The following CACNA1B variants were observed in gnomAD, a reference collection of about 807,000 sequenced individuals.
CACNA1B encodes the protein voltage-dependent N-type calcium channel subunit alpha-1B.
A neutral mutation model predicts 247.2 loss-of-function variants in CACNA1B; 70 were observed. That is an observed-to-expected ratio of 0.28 (90% CI 0.23 to 0.35). The LOEUF (loss-of-function observed/expected upper bound fraction) is 0.35, where lower values mean the gene tolerates loss of function less well. CACNA1B is among the 10% of genes least tolerant of loss of function. CACNA1B has a pLI of 1.00. For synonymous variants in CACNA1B, 1,231 were observed against 1,294.4 expected, an observed-to-expected ratio of 0.95 and a Z score of 1.05; for missense variants, 2,367 against 3,197.4, an observed-to-expected ratio of 0.74 and a Z score of 6.26.
chr9:138,029,032 G>A (rs1229833738), intron 20 of CACNA1B, among the ~76,000 whole-genome samples: 1 of 152,198 alleles, frequency 6.6e-6, no homozygotes, highest in Non-Finnish European at 1.5e-5. Flanking sequence ...AATCCTGCCT[G>A]AGAGTTGTTC....
intron 5 of CACNA1B, among the ~76,000 whole-genome samples, chr9:137,916,067 C>G (rs372553149): frequency 1.6e-4 from 23 of 141,798 alleles, no homozygotes; most frequent in African/African-American, 5.8e-4. Context: ...GAGTCTCACT[C>G]TGTTGCCCAG....
At position 137,919,633 on chromosome 9, in the gene CACNA1B, C is replaced by T. The variant is rs966097074; in HGVS notation, c.966+2202C>T. On this transcript the variant is annotated intron_variant, in intron 6 of 46. Transcript: ENST00000371372. The surrounding 1 kb of genome is among the most constrained non-coding windows in gnomAD (Gnocchi z 4.6). ...AACCCAGTGAGAGGGACTTTTGTGG[C>T]CCCTCGGATATACGCTCCTTCAAGC... 6.6e-6 allele frequency among the ~76,000 whole-genome samples: 1 copy of T among 152,220 alleles called. No individual in the cohort carries two copies. The highest frequency in any genetic ancestry group is 3.2e-3 in the Middle Eastern group (1 of 316).
intron 36 of CACNA1B, among the ~76,000 whole-genome samples, chr9:138,094,358 A>G (rs1276877507): frequency 2.0e-5 from 3 of 151,342 alleles, no homozygotes; most frequent in South Asian, 2.1e-4. Flanking sequence ...GTTGCACAAC[A>G]GTGTGAATAT....
Position 138,120,746 on chromosome 9 carries a change from A to ATCC in CACNA1B, c.6363_6365dup (p.Ser2122dup). 3 of 1,547,496 alleles carry ATCC rather than the reference A, an allele frequency of 1.9e-6. No homozygotes were observed. Among genetic ancestry groups the ATCC allele is most frequent in the Non-Finnish European group, 2.6e-6 (3 of 1,146,752 alleles). On this transcript the variant is annotated inframe_insertion, in exon 46 of 47. Transcript: ENST00000371372. Reference sequence around the variant, plus strand: ...GGTCCCAGGAGCGGAGGCAGCCCTCATCCTCCTCCTCGGAGAAGCAGCGCT... The same window carrying ATCC: ...GGTCCCAGGAGCGGAGGCAGCCCTCATCCTCCTCCTCCTCGGAGAAGCAGCGCT...
intron 6 of CACNA1B, among the ~76,000 whole-genome samples, chr9:137,928,833 T>C (rs1171120426): frequency 6.6e-6 from 1 of 152,232 alleles, no homozygotes; most frequent in African/African-American, 2.4e-5. Flanking sequence ...TTTCTGTCTC[T>C]GTAGATTTGT....
chr9:137,916,725 G>C (rs7875160), intron 5 of CACNA1B, among the ~76,000 whole-genome samples: 55,197 of 151,802 alleles, frequency 0.36, 13,079 homozygotes, highest in African/African-American at 0.66. Context: ...TACAGTCAGC[G>C]TGGCAGTTTG....
chr9:137,978,910 C>G (rs1219588658), intron 12 of CACNA1B, among the ~76,000 whole-genome samples: 1 of 152,136 alleles, frequency 6.6e-6, no homozygotes, highest in African/African-American at 2.4e-5. Context: ...CCAGGGTGCT[C>G]TCTGAGACAT....
chr9:138,062,202 T>C lies in CACNA1B; in HGVS notation c.4668+2465T>C, dbSNP rs563049520. 6.6e-5 allele frequency among the ~76,000 whole-genome samples: 10 copies of C among 152,086 alleles called. No homozygotes were observed. The East Asian group carries it at 1.6e-3, about 24-fold the overall frequency. ...TATCCTCAGCACAGGCAACTTGTTT[T>C]CCCCCCCACACAGAGCTGACCAGAT... On this transcript the variant is annotated intron_variant, in intron 31 of 46. Coordinates refer to ENST00000371372, the MANE Select transcript of CACNA1B (RefSeq NM_000718.4).
intron 6 of CACNA1B, among the ~76,000 whole-genome samples, chr9:137,945,030 A>T (rs1957779273): frequency 6.6e-6 from 1 of 152,194 alleles, no homozygotes; most frequent in Admixed American, 6.5e-5. Context: ...GTATAGGGCC[A>T]TGAAGACCTG....
chr9:137,920,339 G>A (rs191112526), intron 6 of CACNA1B, among the ~76,000 whole-genome samples: 52 of 152,304 alleles, frequency 3.4e-4, no homozygotes, highest in African/African-American at 1.2e-3. Context: ...TGGGATTACA[G>A]GCACGAGCCA....
chr9:138,042,753 C>T (rs1398425855), intron 20 of CACNA1B, among the ~76,000 whole-genome samples: 2 of 152,184 alleles, frequency 1.3e-5, no homozygotes, highest in East Asian at 3.9e-4. Flanking sequence ...GTGGCCTTCG[C>T]TGTTTTCATG....
rs116353990 is a variant in CACNA1B, at chr9:137,990,959, G to A, written c.1974+4105G>A. Among the ~76,000 whole-genome samples, 1 of 152,274 alleles carries A rather than the reference G, an allele frequency of 6.6e-6. No homozygotes were observed. Among genetic ancestry groups the A allele is most frequent in the Non-Finnish European group, 1.5e-5 (1 of 68,012 alleles). On this transcript the variant is annotated intron_variant, in intron 15 of 46. Transcript: ENST00000371372. The surrounding 1 kb of genome is among the most constrained non-coding windows in gnomAD (Gnocchi z 4.5). ...ATAAGAGAACAGCAGCCCTTGAGTC[G>A]CAGATCTTCCCTCTGGTTCCAAATG...
chr9:138,089,011 C>T (rs1960795533), intron 36 of CACNA1B, among the ~76,000 whole-genome samples: 1 of 127,512 alleles, frequency 7.8e-6, no homozygotes, highest in Non-Finnish European at 1.7e-5. Context: ...CAAAGAAAAG[C>T]CCAGGGTGCT....
intron 3 of CACNA1B, among the ~76,000 whole-genome samples, chr9:137,907,536 G>A (rs371922255): frequency 5.3e-5 from 8 of 152,132 alleles, no homozygotes; most frequent in South Asian, 2.1e-4. Flanking sequence ...GCAGCTCTTC[G>A]TTATTTTAAT....
chr9:137,962,115 T>C (rs752089705), intron 10 of CACNA1B, among the ~76,000 whole-genome samples: 3 of 152,158 alleles, frequency 2.0e-5, no homozygotes, highest in Non-Finnish European at 4.4e-5. Flanking sequence ...TAGGAAGGTG[T>C]ATGTGTCCAG....
At chr9:138,064,824 A>G (rs545803338) in intron 31 of CACNA1B, among the ~76,000 whole-genome samples, 8 of 152,350 alleles carry the variant, frequency 5.3e-5, no homozygotes, top group Admixed American at 2.0e-4. Flanking sequence ...TCCCTGCTCC[A>G]TGACAGCATC....
rs1039293406 is a variant in CACNA1B at position 137,914,643 on chromosome 9, T to C, written c.623-11T>C. The C allele has an allele frequency of 6.2e-7, 1 of 1,613,340 alleles. No homozygotes were observed. Among genetic ancestry groups the C allele is most frequent in the East Asian group, 2.2e-5 (1 of 44,884 alleles). On this transcript the variant is annotated splice_polypyrimidine_tract_variant and intron_variant, in intron 4 of 46. Coordinates refer to ENST00000371372, the MANE Select transcript of CACNA1B (RefSeq NM_000718.4). The surrounding 1 kb of genome is among the most constrained non-coding windows in gnomAD (Gnocchi z 4.3). The stretch of plus-strand genomic sequence containing the variant: ...CACGTTGCTTCCTGACCTGCCCTGT[T>C]CTGGCCCCAGGTTTGCAGGTGGTGC...
chr9:138,072,242 G>C lies in CACNA1B; in HGVS notation c.4675-1246G>C, dbSNP rs1473672691. Among the ~76,000 whole-genome samples the C allele has an allele frequency of 6.6e-6, 1 of 152,162 alleles. No individual in the cohort carries two copies. The highest frequency in any genetic ancestry group is 1.5e-5 in the Non-Finnish European group (1 of 68,036). ...CATCCCGCCTGAGAGCCAGTACCTC[G>C]AGTTGAATCCTCAGCCACCCTGCCC... On this transcript the variant is annotated intron_variant, in intron 32 of 46. Coordinates refer to ENST00000371372, the MANE Select transcript of CACNA1B (RefSeq NM_000718.4). This position sits in a 1 kb window ranked among gnomAD's most constrained non-coding sequence, Gnocchi z 4.5.
rs1164199229 is a variant in CACNA1B, at chr9:138,124,575, G to A, written c.*2576G>A. On this transcript the variant is annotated 3_prime_UTR_variant, in exon 47 of 47. Transcript: ENST00000371372. ...ACAATGACATTTTGTATGAAGCAAAGTCCTTGAATTAAAATAAAAACTTAG... is the reference window on the plus strand; with the variant it reads ...ACAATGACATTTTGTATGAAGCAAAATCCTTGAATTAAAATAAAAACTTAG... 1 of 152,190 alleles carries A rather than the reference G, an allele frequency of 6.6e-6. No individual in the cohort carries two copies. The highest frequency in any genetic ancestry group is 1.5e-5 in the Non-Finnish European group (1 of 68,032). The allele number at this position is 152,190 out of a possible 1,614,324, so 9.4% of individuals were successfully genotyped here.
Sources: allele counts gnomAD v4.1 joint callset (sites outside exome capture counted in the v4.1 genomes callset), GRCh38; gene constraint gnomAD v4.1.1; non-coding constraint Gnocchi (gnomAD v3.1); transcripts MANE v1.5; gene names NCBI Gene and HGNC (gene_info 2026-07-23, HGNC 2026-07-21).